The following DNAJC10 variants were observed in gnomAD, a reference collection of about 807,000 sequenced individuals.
DNAJC10 encodes the protein DnaJ heat shock protein family (Hsp40) member C10.
DNAJC10 carries 101 observed loss-of-function variants against 115.0 expected under a neutral mutation model. The ratio of observed to expected loss-of-function variants is 0.88; its 90% CI spans 0.75 to 1.04. The LOEUF is 1.04. DNAJC10 is among the 50% of genes least tolerant of loss of function. The pLI is 0.00. For missense variants in DNAJC10, 981 were observed against 928.8 expected (o/e 1.06, Z -0.73); for synonymous variants, 307 against 301.5 (o/e 1.02, Z -0.19).
intron 5 of DNAJC10, among the ~76,000 whole-genome samples, chr2:182,723,593 A>G (rs916956822): frequency 2.6e-5 from 4 of 152,200 alleles, no homozygotes; most frequent in African/African-American, 4.8e-5. Context: ...ATATAAACCT[A>G]TAGCTGTTCC....
Position 182,790,275 on chromosome 2 carries a change from T to C in DNAJC10, c.*13143T>C, listed in dbSNP as rs746460826. 6.6e-6 allele frequency: 1 copy of C among 152,234 alleles called. No homozygotes were observed. Among genetic ancestry groups the C allele is most frequent in the East Asian group, 1.9e-4 (1 of 5,198 alleles). 9.4% of individuals were successfully genotyped at this position (152,234 alleles called of 1,614,324 possible). ...GCAGAAGAAATTTATTTTATACTTA[T>C]AAACTTCAAGATTTGCTGAAGTACT... is the stretch of plus-strand genomic sequence containing the variant. On this transcript the variant is annotated 3_prime_UTR_variant, in exon 24 of 24. Coordinates refer to ENST00000264065, the MANE Select transcript of DNAJC10 (RefSeq NM_018981.4).
At chr2:182,746,429 A>G in intron 14 of DNAJC10, among the ~76,000 whole-genome samples, 1 of 152,044 alleles carries the variant, frequency 6.6e-6, no homozygotes, top group Non-Finnish European at 1.5e-5. Context: ...TGCCATTCAA[A>G]CTGGTGTGAG....
Position 182,780,993 on chromosome 2 carries a change from G to A in DNAJC10, c.*3861G>A, listed in dbSNP as rs1694832178. 1 of 151,086 alleles carries A rather than the reference G, an allele frequency of 6.6e-6. No homozygotes were observed. The highest frequency in any genetic ancestry group is 1.5e-5 in the Non-Finnish European group (1 of 67,860). The allele number at this position is 151,086 out of a possible 1,614,324, so 9.4% of individuals were successfully genotyped here. On this transcript the variant is annotated 3_prime_UTR_variant, in exon 24 of 24. Coordinates refer to ENST00000264065, the MANE Select transcript of DNAJC10 (RefSeq NM_018981.4). ...CTGTTTTTTTTTTTTAATACTTCAA[G>A]TTCTGCAATACATGTGCAGAACATG...
chr2:182,741,145 G>A, intron 12 of DNAJC10, 98 bp from the exon 13 acceptor site: 1 of 731,534 alleles, frequency 1.4e-6, no homozygotes, highest in Admixed American at 3.1e-5. Context: ...TGAAATAATG[G>A]GTAGGGGAGC....
chr2:182,723,413 A>G (rs566080893), intron 5 of DNAJC10, among the ~76,000 whole-genome samples: 2 of 152,314 alleles, frequency 1.3e-5, no homozygotes, highest in Admixed American at 1.3e-4. Context: ...TAGCTGTTCA[A>G]TGTGTTACTT....
chr2:182,736,229 G>C lies in DNAJC10; in HGVS notation c.850-20G>C. On this transcript the variant is annotated intron_variant, in intron 10 of 23. Coordinates refer to ENST00000264065, the MANE Select transcript of DNAJC10 (RefSeq NM_018981.4). ...TTGCCTCCCATTTACAACATGGTTTGTTGTTTCTTTCCATTTTAGGATGGT... is the reference window on the plus strand; with the variant it reads ...TTGCCTCCCATTTACAACATGGTTTCTTGTTTCTTTCCATTTTAGGATGGT... The C allele has an allele frequency of 6.5e-7, 1 of 1,549,254 alleles. No homozygotes were observed. The highest frequency in any genetic ancestry group is 8.6e-7 in the Non-Finnish European group (1 of 1,157,530).
intron 17 of DNAJC10, 116 bp downstream of exon 17, chr2:182,755,220 T>A: frequency 1.5e-6 from 1 of 662,596 alleles, no homozygotes; most frequent in Non-Finnish European, 2.7e-6. Flanking sequence ...ACTATTTTCT[T>A]ACAAAATGAT....
At chr2:182,750,305 A>G (rs571650935) in intron 14 of DNAJC10, among the ~76,000 whole-genome samples, 1 of 152,354 alleles carries the variant, frequency 6.6e-6, no homozygotes, top group South Asian at 2.1e-4. Context: ...AGGTTATTGC[A>G]GAAGGCCAGA....
At chr2:182,754,800 G>T in intron 16 of DNAJC10, 1 of 1,326,922 alleles carries the variant, frequency 7.5e-7, no homozygotes, top group Non-Finnish European at 9.7e-7. Context: ...TATAAATAAG[G>T]ATCAGGTATT....
At chr2:182,769,966 G>A (rs1019167766) in intron 22 of DNAJC10, among the ~76,000 whole-genome samples, 5 of 152,178 alleles carry the variant, frequency 3.3e-5, no homozygotes, top group Non-Finnish European at 7.3e-5. Context: ...TTACGTTTAG[G>A]TCTTTAATCC....
At chr2:182,730,630 T>G (rs890333078) in intron 8 of DNAJC10, 60 of 432,408 alleles carry the variant, frequency 1.4e-4, no homozygotes, top group Non-Finnish European at 2.5e-4. Context: ...CAATCTGTCA[T>G]GAAAATGAAT....
intron 3 of DNAJC10, among the ~76,000 whole-genome samples, chr2:182,719,339 T>C (rs1693085242): frequency 6.8e-6 from 1 of 147,684 alleles, no homozygotes; most frequent in Non-Finnish European, 1.5e-5. Flanking sequence ...CTGCAACTTC[T>C]GCATCACAGG....
At chr2:182,726,689 G>C (rs1693293424) in intron 5 of DNAJC10, among the ~76,000 whole-genome samples, 1 of 152,158 alleles carries the variant, frequency 6.6e-6, no homozygotes, top group Non-Finnish European at 1.5e-5. Flanking sequence ...ATCACGACAT[G>C]CATGACTTGC....
rs559435300 is a variant in DNAJC10 at position 182,768,082 on chromosome 2, C to G, written c.2265+5281C>G. Among the ~76,000 whole-genome samples the G allele has an allele frequency of 9.2e-5, 14 of 152,092 alleles. 1 individual carries two copies. Among genetic ancestry groups the G allele is most frequent in the African/African-American group, 3.4e-4 (14 of 41,504 alleles). On this transcript the variant is annotated intron_variant, in intron 22 of 23. Coordinates refer to ENST00000264065, the MANE Select transcript of DNAJC10 (RefSeq NM_018981.4). ...TGGTTACATTTTGTGATGAATAGGG[C>G]TAAATTAAGAAATTGGATGATGAAT...
chr2:182,719,261 T>C (rs1378195489), intron 3 of DNAJC10, among the ~76,000 whole-genome samples: 1 of 144,214 alleles, frequency 6.9e-6, no homozygotes, highest in Admixed American at 6.9e-5. Flanking sequence ...TTTTTTTTTT[T>C]TTTTTTTTTT....
At chr2:182,759,130 A>G in intron 20 of DNAJC10, 30 bp from the exon 21 acceptor site, 1 of 1,548,264 alleles carries the variant, frequency 6.5e-7, no homozygotes, top group Non-Finnish European at 8.7e-7. Flanking sequence ...GTTTTATATA[A>G]TGAAAAATGA....
At chr2:182,755,188 G>T in intron 17 of DNAJC10, 84 bp downstream of exon 17, 9 of 832,346 alleles carry the variant, frequency 1.1e-5, no homozygotes, top group South Asian at 1.6e-5. Flanking sequence ...TGTTTAATAG[G>T]ATTTACTCTT....
rs561035884 is a variant in DNAJC10 at position 182,728,900 on chromosome 2, G to A, written c.539G>A (p.Arg180Gln). 8.1e-6 allele frequency: 13 copies of A among 1,613,850 alleles called. No homozygotes were observed. The highest frequency in any genetic ancestry group is 1.6e-4 in the Middle Eastern group (1 of 6,082). ...DFAKEVDGLL[R>Q]IGAVNCGDDR... is the part of the protein sequence containing the mutation. Reference sequence around the variant, plus strand: ...GCTAAAGAAGTGGATGGGTTACTTCGAATTGGAGCTGTTAACTGTGGTGAT... The same window carrying A: ...GCTAAAGAAGTGGATGGGTTACTTCAAATTGGAGCTGTTAACTGTGGTGAT... The change falls in exon 7 of 24, where the codon CGA becomes CAA. Residue 180 changes from arginine (R) to glutamine (Q), a missense_variant. By Grantham distance (43) the Arg-to-Gln change is conservative (BLOSUM62 1). Transcript: ENST00000264065.
intron 21 of DNAJC10, among the ~76,000 whole-genome samples, chr2:182,759,518 A>ACAT (rs1395650730): frequency 2.0e-5 from 3 of 152,050 alleles, no homozygotes; most frequent in African/African-American, 7.2e-5. Flanking sequence ...ATCTTGGTAG[A>ACAT]CATCATCATC....
Sources: allele counts gnomAD v4.1 joint callset (sites outside exome capture counted in the v4.1 genomes callset), GRCh38; gene constraint gnomAD v4.1.1; transcripts MANE v1.5; gene names NCBI Gene and HGNC (gene_info 2026-07-23, HGNC 2026-07-21).